Variants in RGSL1 observed in about 807,000 individuals in gnomAD.
The protein encoded by RGSL1 is regulator of G protein signaling like 1, also known as regulator of G protein signaling protein-like.
RGSL1 carries 97 observed loss-of-function variants against 124.7 expected under a neutral mutation model. The ratio of observed to expected loss-of-function variants is 0.78; its 90% CI spans 0.66 to 0.92. The LOEUF is 0.92. RGSL1 is among the 40% of genes least tolerant of loss of function. The pLI is 0.00. For synonymous variants in RGSL1, 424 were observed against 438.1 expected, an observed-to-expected ratio of 0.97 and a Z score of 0.40; for missense variants, 1,233 against 1,288.4, an observed-to-expected ratio of 0.96 and a Z score of 0.66.
chr1:182,470,690 T>C (rs602589), intron 4 of RGSL1, among the ~76,000 whole-genome samples: 13,052 of 152,210 alleles, frequency 0.086, 761 homozygotes, highest in East Asian at 0.26. Flanking sequence ...AGAATATAGA[T>C]TCCTTGGAGG....
At chr1:182,447,966 A>AT (rs1337440996), upstream of RGSL1, 407 of 145,086 alleles carry the variant, frequency 2.8e-3, 1 homozygote, top group African/African-American at 9.6e-3. Context: ...AAGCTCTGAA[A>AT]TTTAAAAAAA....
At chr1:182,471,412 G>C in intron 4 of RGSL1, 1 of 456,634 alleles carries the variant, frequency 2.2e-6, no homozygotes, top group South Asian at 1.6e-5. Flanking sequence ...TGTTCCTGGG[G>C]CTTTTGCAAG....
At chr1:182,486,353 C>A (rs1335413003) in intron 6 of RGSL1, among the ~76,000 whole-genome samples, 1 of 149,482 alleles carries the variant, frequency 6.7e-6, no homozygotes, top group Admixed American at 6.7e-5. Context: ...CTCTGTTGCC[C>A]AGGCTGAAAT....
chr1:182,534,502 C>T (rs879874192), intron 14 of RGSL1, among the ~76,000 whole-genome samples: 1 of 152,072 alleles, frequency 6.6e-6, no homozygotes, highest in Admixed American at 6.5e-5. Context: ...CTTTTATGAA[C>T]TGTTTCACAA....
chr1:182,473,677 A>G lies in RGSL1; in HGVS notation c.566A>G (p.Tyr189Cys). The part of the protein sequence containing the change: ...QKVALFKLQS[Y>C]WLPNFYTHTK... The stretch of plus-strand genomic sequence containing the variant: ...GTGGCTCTGTTCAAACTCCAGAGCT[A>G]TTGGCTTCCCAACTTTTACACCCAC... The change falls in exon 6 of 22, where the codon TAT becomes TGT. Residue 189 changes from tyrosine to cysteine, a missense_variant. Transcript: ENST00000294854. 1 of 1,551,670 alleles carries G rather than the reference A, an allele frequency of 6.4e-7. No individual in the cohort carries two copies. Among genetic ancestry groups the G allele is most frequent in the Non-Finnish European group, 8.7e-7 (1 of 1,147,008 alleles).
chr1:182,471,419 C>A (rs1004207462), intron 4 of RGSL1: 3 of 456,254 alleles, frequency 6.6e-6, no homozygotes, highest in Non-Finnish European at 1.3e-5. Context: ...GGGGCTTTTG[C>A]AAGTTCCTAA....
chr1:182,458,576 C>G (rs752177391), intron 3 of RGSL1, among the ~76,000 whole-genome samples, 183 bp downstream of exon 3: 2 of 152,116 alleles, frequency 1.3e-5, no homozygotes, highest in South Asian at 4.1e-4. Context: ...CTCAAGCAAT[C>G]CTCCCACCTA....
At chr1:182,554,850 T>C in intron 20 of RGSL1, 157 bp downstream of exon 20, 2 of 700,540 alleles carry the variant, frequency 2.9e-6, no homozygotes, top group Non-Finnish European at 4.8e-6. Context: ...TGGTGGGAAG[T>C]TAAAGAGGTG....
chr1:182,448,073 G>A (rs1047569819), upstream of RGSL1: 1 of 151,974 alleles, frequency 6.6e-6, no homozygotes, highest in Non-Finnish European at 1.5e-5. Flanking sequence ...GAGACCTGCT[G>A]TCATTTCCAG....
intron 21 of RGSL1, among the ~76,000 whole-genome samples, chr1:182,557,017 T>C (rs1328186558): frequency 6.6e-6 from 1 of 152,202 alleles, no homozygotes; most frequent in Non-Finnish European, 1.5e-5. Context: ...TCCCAGACTT[T>C]TCACAAGGAT....
chr1:182,530,315 C>G lies in RGSL1; in HGVS notation c.2197C>G (p.Leu733Val). The G allele has an allele frequency of 6.4e-7, 1 of 1,551,104 alleles. No homozygotes were observed. ...CATGCGTCATGTCACCACAAGCACACTGTTAACGCTCCAGGGACATGTTAT... is the reference window on the plus strand; with the variant it reads ...CATGCGTCATGTCACCACAAGCACAGTGTTAACGCTCCAGGGACATGTTAT... The part of the protein sequence containing the change: ...ASMRHVTTST[L>V]LTLQGHVMKS... The change falls in exon 12 of 22, where the codon CTG becomes GTG. Residue 733 changes from leucine (L) to valine (V), a missense_variant. Physicochemically the swap from Leu to Val is conservative, Grantham distance 32. Transcript: ENST00000294854.
chr1:182,465,573 G>T (rs930162119), intron 4 of RGSL1, among the ~76,000 whole-genome samples: 1 of 151,862 alleles, frequency 6.6e-6, no homozygotes. Context: ...TAACAAACCT[G>T]CACATTGTGC....
chr1:182,471,554 G>A (rs1653844091), intron 4 of RGSL1, among the ~76,000 whole-genome samples: 1 of 152,102 alleles, frequency 6.6e-6, no homozygotes, highest in African/African-American at 2.4e-5. Context: ...TAGGTTAAGG[G>A]AAAGGTAGTC....
At chr1:182,452,832 TATATC>T (rs1651960425) in intron 1 of RGSL1, among the ~76,000 whole-genome samples, 1 of 152,218 alleles carries the variant, frequency 6.6e-6, no homozygotes, top group Non-Finnish European at 1.5e-5. Context: ...TTAGTTTTCT[TATATC>T]ATAACTACAT....
intron 10 of RGSL1, among the ~76,000 whole-genome samples, chr1:182,523,120 C>T (rs779825295): frequency 2.0e-5 from 3 of 151,882 alleles, no homozygotes; most frequent in South Asian, 4.2e-4. Flanking sequence ...ATTGCAGCCT[C>T]GACCTCCCTA....
Position 182,553,514 on chromosome 1 carries a change from C to G in RGSL1, c.3103C>G (p.Arg1035Gly), listed in dbSNP as rs373882372. ...LRGIEWLQPQ[R>G]EAISSVQNSS... ...AGGTATTGAGTGGTTGCAGCCTCAA[C>G]GGGAAGCAATAAGTTCAGTTCAAAA... Residue 1035 changes from arginine to glycine, a missense_variant, in exon 19 of 22, where the codon CGG becomes GGG. Arg to Gly is a moderately radical substitution (Grantham distance 125). Transcript: ENST00000294854. The G allele has an allele frequency of 1.3e-6, 2 of 1,551,776 alleles. No individual in the cohort carries two copies. The highest frequency in any genetic ancestry group is 8.7e-7 in the Non-Finnish European group (1 of 1,147,018).
chr1:182,512,418 C>T (rs188899704), intron 9 of RGSL1, among the ~76,000 whole-genome samples: 3 of 152,276 alleles, frequency 2.0e-5, no homozygotes, highest in Middle Eastern at 3.4e-3. Context: ...TTCCCTGACC[C>T]CCCCTCTGCA....
chr1:182,498,508 A>G (rs1017406426), intron 9 of RGSL1, among the ~76,000 whole-genome samples: 1 of 152,186 alleles, frequency 6.6e-6, no homozygotes, highest in Non-Finnish European at 1.5e-5. Context: ...TGTGTCCCAG[A>G]GATTCTGATA....
At position 182,458,081 on chromosome 1, in the gene RGSL1, G is replaced by C. The variant is rs1652493350; in HGVS notation, c.97-238G>C. Among the ~76,000 whole-genome samples the C allele has an allele frequency of 2.0e-5, 3 of 152,230 alleles. No homozygotes were observed. In the South Asian group the frequency reaches 6.2e-4, roughly 32 times the overall value. Reference sequence around the variant, plus strand: ...CGGCTCAGGCTCCACAGGAAAGATAGCTCCCAGGTTGGGGCGTGGTGGAGC... The same window carrying C: ...CGGCTCAGGCTCCACAGGAAAGATACCTCCCAGGTTGGGGCGTGGTGGAGC... On this transcript the variant is annotated intron_variant, in intron 2 of 21. Transcript: ENST00000294854.
Sources: gnomAD v4.1 joint callset for allele counts (sites outside exome capture counted in the v4.1 genomes callset) on GRCh38, gnomAD v4.1.1 for gene constraint, MANE v1.5 for transcripts, NCBI Gene and HGNC (gene_info 2026-07-23, HGNC 2026-07-21) for gene names.